Variants in TEX14 observed in about 807,000 individuals in gnomAD.
TEX14 encodes testis expressed 14, intercellular bridge forming factor, also known as inactive serine/threonine-protein kinase TEX14.
In TEX14, 168 loss-of-function variants were observed where a neutral mutation model predicts 178.6. The observed-to-expected ratio is 0.94, with a 90% CI of 0.83 to 1.07. The LOEUF is 1.07. TEX14 is among the 50% of genes least tolerant of loss of function. TEX14 has a pLI of 0.00. For synonymous variants in TEX14, 626 were observed against 634.1 expected (o/e 0.99, Z 0.19); for missense variants, 1,730 against 1,753.6 (o/e 0.99, Z 0.24).
intron 10 of TEX14, among the ~76,000 whole-genome samples, chr17:58,609,164 C>T (rs1162833168): frequency 6.6e-6 from 1 of 152,150 alleles, no homozygotes; most frequent in Non-Finnish European, 1.5e-5. Flanking sequence ...GGCTGGAGTG[C>T]AGTGGCGTGA....
chr17:58,635,093 T>C (rs1017848595), intron 2 of TEX14, among the ~76,000 whole-genome samples: 1 of 151,354 alleles, frequency 6.6e-6, no homozygotes, highest in African/African-American at 2.4e-5. Flanking sequence ...GATCTCAACA[T>C]TGCACTCCAG....
chr17:58,556,915 C>G lies in TEX14; in HGVS notation c.*96G>C, dbSNP rs749073950. ...AGTGAGACTTACAGAACTGGAACTG[C>G]TGCCCTGACAGCAACTGAAGCAGAA... On this transcript the variant is annotated 3_prime_UTR_variant, in exon 32 of 32. Transcript: ENST00000349033. 2.0e-6 allele frequency: 2 copies of G among 1,011,826 alleles called. No homozygotes were observed. Among genetic ancestry groups the G allele is most frequent in the Non-Finnish European group, 3.2e-6 (2 of 633,584 alleles). The allele number at this position is 1,011,826 out of a possible 1,614,324, so 62.7% of individuals were successfully genotyped here. A position where few individuals can be genotyped will look rare whatever the true frequency, so the allele number is the denominator to read the frequency against.
At chr17:58,607,697 A>G (rs2045642311) in intron 10 of TEX14, among the ~76,000 whole-genome samples, 1 of 152,184 alleles carries the variant, frequency 6.6e-6, no homozygotes, top group Admixed American at 6.5e-5. Context: ...CTTTCTCTCA[A>G]TAGCAGATGG....
At chr17:58,608,550 T>C (rs568537016) in intron 10 of TEX14, among the ~76,000 whole-genome samples, 1 of 152,346 alleles carries the variant, frequency 6.6e-6, no homozygotes, top group Non-Finnish European at 1.5e-5. Flanking sequence ...CACTCCAGCC[T>C]GGGCGACAGA....
At chr17:58,679,637 A>C (rs1008338553) in intron 1 of TEX14, 3 of 152,196 alleles carry the variant, frequency 2.0e-5, no homozygotes, top group South Asian at 4.1e-4. Context: ...GACAAACCTC[A>C]CCCTGAAAAA....
intron 1 of TEX14, chr17:58,659,410 C>G (rs1006567908): frequency 2.7e-6 from 2 of 750,220 alleles, no homozygotes; most frequent in African/African-American, 3.8e-5. Context: ...GAAACTACCG[C>G]TTCTTCGTAT....
chr17:58,655,905 T>C (rs1421003980), intron 1 of TEX14, among the ~76,000 whole-genome samples: 1 of 152,222 alleles, frequency 6.6e-6, no homozygotes, highest in Non-Finnish European at 1.5e-5. Context: ...TCCCTTCTCC[T>C]GATCTGTTGG....
chr17:58,631,714 A>AG (rs983326344), intron 2 of TEX14: 1 of 150,370 alleles, frequency 6.7e-6, no homozygotes, highest in African/African-American at 2.4e-5. Flanking sequence ...GCAACACCAA[A>AG]CACTGCTATC....
intron 20 of TEX14, among the ~76,000 whole-genome samples, chr17:58,577,916 G>A (rs1203414577): frequency 6.6e-6 from 1 of 152,178 alleles, no homozygotes; most frequent in Non-Finnish European, 1.5e-5. Flanking sequence ...GTGGGGTCTT[G>A]AGTACTGAGG....
rs1358786762 is a variant in TEX14 at position 58,599,005 on chromosome 17, A to T, written c.2340T>A (p.Asn780Lys). Reference sequence around the variant, plus strand: ...CCACGGCCAGAGGTAACTTGTAGGCATTTGTAAACTCTCTTGAAGTGGCCC... The same window carrying T: ...CCACGGCCAGAGGTAACTTGTAGGCTTTTGTAAACTCTCTTGAAGTGGCCC... ...SLWATSREFT[N>K]AYKLPLAVGP... is the part of the protein sequence containing the mutation. The change falls in exon 14 of 32, where the codon AAT (asparagine) becomes AAA (lysine). Residue 780 changes from asparagine to lysine, a missense_variant. Asn to Lys is a moderately conservative substitution (Grantham distance 94). Coordinates refer to ENST00000349033, the MANE Select transcript of TEX14 (RefSeq NM_031272.5). 6.2e-7 allele frequency: 1 copy of T among 1,614,026 alleles called. No individual in the cohort carries two copies. The highest frequency in any genetic ancestry group is 8.5e-7 in the Non-Finnish European group (1 of 1,180,038).
At chr17:58,645,017 G>C (rs528781393) in intron 2 of TEX14, among the ~76,000 whole-genome samples, 1 of 140,604 alleles carries the variant, frequency 7.1e-6, no homozygotes, top group Non-Finnish European at 1.5e-5. Context: ...ATGGAGTCTC[G>C]CTCTGTCACC....
chr17:58,634,993 G>A (rs1451579579), intron 2 of TEX14, among the ~76,000 whole-genome samples: 2 of 151,992 alleles, frequency 1.3e-5, no homozygotes, highest in Admixed American at 6.6e-5. Flanking sequence ...GTAGCCAGGC[G>A]TGGTGGCGGG....
In TEX14 at chr17:58,593,626, T is replaced by C; in HGVS notation, c.2505A>G (p.Thr835=). Residue 835 remains threonine, a synonymous_variant, in exon 15 of 32, where the codon ACA becomes ACG. Transcript: ENST00000349033. ...CTTGAGTGCACTGAAATTGTTCATC[T>C]GTGTTCTGTTTTCCAGGGTCACAAA... ...PTLCDPGKQN[T]DEQFQCTQGA... 1 of 1,614,196 alleles carries C rather than the reference T, an allele frequency of 6.2e-7. No individual in the cohort carries two copies. Among genetic ancestry groups the C allele is most frequent in the Non-Finnish European group, 8.5e-7 (1 of 1,180,020 alleles).
intron 1 of TEX14, among the ~76,000 whole-genome samples, chr17:58,656,520 G>A (rs1416546496): frequency 1.3e-5 from 2 of 152,016 alleles, no homozygotes; most frequent in African/African-American, 4.8e-5. Context: ...ATTTGGGAGG[G>A]TGAGGCAGGT....
intron 3 of TEX14, among the ~76,000 whole-genome samples, chr17:58,625,478 A>G (rs2046115027): frequency 6.6e-6 from 1 of 152,198 alleles, no homozygotes; most frequent in Non-Finnish European, 1.5e-5. Flanking sequence ...ACAGTAAGAA[A>G]GCTGGGTTAG....
rs931861149 is a variant in TEX14, at chr17:58,626,686, AG to A, written c.252-3675del. 9.9e-5 allele frequency among the ~76,000 whole-genome samples: 15 copies of A among 152,124 alleles called. 1 individual carries two copies. The highest frequency in any genetic ancestry group is 8.5e-4 in the Admixed American group (13 of 15,266). ...CACCTGAGGTCAGGAATTCAAGACC[AG>A]CCTGGACAACATGGCAAAACTAAAA... On this transcript the variant is annotated intron_variant, in intron 3 of 31. Transcript: ENST00000349033.
intron 1 of TEX14, among the ~76,000 whole-genome samples, chr17:58,668,689 C>CT (rs761386647): frequency 1.0e-3 from 159 of 152,166 alleles, no homozygotes; most frequent in Admixed American, 3.8e-3. Flanking sequence ...GAGAGGACTT[C>CT]TTTTTTTTAT....
chr17:58,561,590 C>T lies in TEX14; in HGVS notation c.4087G>A (p.Asp1363Asn). Residue 1363 changes from aspartate to asparagine, a missense_variant, in exon 29 of 32, where the codon GAC becomes AAC. This residue lies in a region of TEX14 where 941 missense variants were observed against 1,072.4 expected (regional missense o/e 0.88). Coordinates refer to ENST00000349033, the MANE Select transcript of TEX14 (RefSeq NM_031272.5). ...TERAHSTLDE[D>N]LERWLQPPEE... ...GGTGGCTGCAGCCATCTTTCCAGGT[C>T]CTCATCCAGAGTAGAGTGAGCTCTG... The T allele has an allele frequency of 6.2e-7, 1 of 1,613,702 alleles. No individual in the cohort carries two copies. The highest frequency in any genetic ancestry group is 8.5e-7 in the Non-Finnish European group (1 of 1,179,606).
At chr17:58,618,222 T>C (rs1264626342) in intron 5 of TEX14, among the ~76,000 whole-genome samples, 3 of 152,178 alleles carry the variant, frequency 2.0e-5, no homozygotes, top group African/African-American at 7.2e-5. Context: ...GGCTGCTAAG[T>C]TTGGGGGGTG....
Sources: allele counts gnomAD v4.1 joint callset (sites outside exome capture counted in the v4.1 genomes callset), GRCh38; gene constraint gnomAD v4.1.1; regional missense constraint gnomAD v4.1.1; transcripts MANE v1.5; gene names NCBI Gene and HGNC (gene_info 2026-07-23, HGNC 2026-07-21).